The following PRPH2 variants were observed in gnomAD, a reference collection of about 807,000 sequenced individuals.
PRPH2 encodes the protein peripherin-2.
In PRPH2, 17 loss-of-function variants were observed where a neutral mutation model predicts 31.3. The observed-to-expected ratio is 0.54, with a 90% CI of 0.37 to 0.81. The LOEUF is 0.81. Among genes scored for constraint, PRPH2 ranks in the 40% least tolerant of loss-of-function variants. PRPH2 has a pLI of 0.00. For synonymous variants in PRPH2, 165 were observed against 184.4 expected (o/e 0.89, Z 0.85); for missense variants, 430 against 439.7 (o/e 0.98, Z 0.20).
At position 42,698,322 on chromosome 6, in the gene PRPH2, G is replaced by T. The variant is rs202109541; in HGVS notation, c.1014C>A (p.Asp338Glu). The T allele has an allele frequency of 1.9e-5, 30 of 1,613,332 alleles. No homozygotes were observed. The highest frequency in any genetic ancestry group is 2.5e-5 in the Non-Finnish European group (30 of 1,179,484). Reference protein sequence around the residue: ...KGNQVEAEGADAGQAPEAG With the variant: ...KGNQVEAEGAEAGQAPEAG Reference sequence around the variant, plus strand: ...AGCCAGCCTCTGGGGCCTGGCCTGCGTCTGCGCCCTCGGCTTCCACCTGGT... The same window carrying T: ...AGCCAGCCTCTGGGGCCTGGCCTGCTTCTGCGCCCTCGGCTTCCACCTGGT... The change falls in exon 3 of 3, where the codon GAC becomes GAA. Residue 338 changes from aspartate to glutamate, a missense_variant. Coordinates refer to ENST00000230381, the MANE Select transcript of PRPH2 (RefSeq NM_000322.5).
At position 42,704,315 on chromosome 6, in the gene PRPH2, G is replaced by A. The variant is rs779803376; in HGVS notation, c.828+50C>T. On this transcript the variant is annotated intron_variant, in intron 2 of 2. Coordinates refer to ENST00000230381, the MANE Select transcript of PRPH2 (RefSeq NM_000322.5). ...GGCTCCGCCCCCATTAGACCCAAAT[G>A]GGACCGGAGGCTCTCCTTACCCTCT... is the stretch of plus-strand genomic sequence containing the variant. 5.0e-6 allele frequency: 8 copies of A among 1,584,164 alleles called. No homozygotes were observed. In the Admixed American group the frequency reaches 5.4e-5, roughly 11 times the overall value.
chr6:42,706,604 A>G (rs1800169378), intron 1 of PRPH2, among the ~76,000 whole-genome samples: 1 of 104,592 alleles, frequency 9.6e-6, no homozygotes, highest in African/African-American at 4.1e-5. Flanking sequence ...AAAAGAAAGA[A>G]AGGAAAAAGA....
chr6:42,703,520 C>G (rs1044320477), intron 2 of PRPH2, among the ~76,000 whole-genome samples: 1 of 152,146 alleles, frequency 6.6e-6, no homozygotes, highest in Non-Finnish European at 1.5e-5. Context: ...TGACTAAGAC[C>G]TCGGTACCAA....
At position 42,698,423 on chromosome 6, in the gene PRPH2, CCTGGCT is replaced by C. The variant is rs201620487; in HGVS notation, c.907_912del (p.Ser303_Gln304del). On this transcript the variant is annotated inframe_deletion, in exon 3 of 3. Coordinates refer to ENST00000230381, the MANE Select transcript of PRPH2 (RefSeq NM_000322.5). The stretch of plus-strand genomic sequence containing the variant: ...GGCACGCTCCTCTCCAGCAGCCAGC[CCTGGCT>C]CTCGCTCTCAGATTCCTCGGGGTTG... 6.2e-7 allele frequency: 1 copy of C among 1,613,872 alleles called. No individual in the cohort carries two copies. The highest frequency in any genetic ancestry group is 8.5e-7 in the Non-Finnish European group (1 of 1,179,766).
intron 1 of PRPH2, 22 bp downstream of exon 1, chr6:42,721,732 C>T: frequency 1.2e-6 from 2 of 1,613,584 alleles, no homozygotes; most frequent in Non-Finnish European, 1.7e-6. Flanking sequence ...TAGCTCTGAC[C>T]CCAGGACTGG....
chr6:42,715,869 G>C (rs1463327354), intron 1 of PRPH2, among the ~76,000 whole-genome samples: 2 of 152,096 alleles, frequency 1.3e-5, no homozygotes, highest in Non-Finnish European at 2.9e-5. Context: ...CAGGTTTCTG[G>C]GGGGCCCCAA....
intron 1 of PRPH2, among the ~76,000 whole-genome samples, chr6:42,710,761 T>C (rs1337376476): frequency 6.6e-6 from 1 of 152,180 alleles, no homozygotes; most frequent in East Asian, 1.9e-4. Context: ...GTCTGAGTTT[T>C]TCCAGAAAAA....
At chr6:42,703,591 T>G (rs1031049959) in intron 2 of PRPH2, among the ~76,000 whole-genome samples, 2 of 152,184 alleles carry the variant, frequency 1.3e-5, no homozygotes, top group Non-Finnish European at 1.5e-5. Flanking sequence ...AAACGTAATA[T>G]GGGTCCATTT....
intron 1 of PRPH2, among the ~76,000 whole-genome samples, chr6:42,707,701 A>G (rs1800193338): frequency 6.6e-6 from 1 of 152,172 alleles, no homozygotes; most frequent in Non-Finnish European, 1.5e-5. Flanking sequence ...TCCATGAACC[A>G]TGTTGACTTC....
In PRPH2 at chr6:42,721,951, G is replaced by A. The variant is rs1263084314; in HGVS notation, c.384C>T (p.Asn128=). 1 of 1,614,170 alleles carries A rather than the reference G, an allele frequency of 6.2e-7. No homozygotes were observed. Among genetic ancestry groups the A allele is most frequent in the South Asian group, 1.1e-5 (1 of 91,070 alleles). Residue 128 remains asparagine, a synonymous_variant, in exon 1 of 3, where the codon AAC becomes AAT. Transcript: ENST00000230381. The part of the protein sequence containing the change: ...CCFLLRGSLE[N]TLGQGLKNGM... The stretch of plus-strand genomic sequence containing the variant: ...CGTTCTTGAGCCCTTGGCCCAGGGT[G>A]TTCTCCAGCGAGCCCCGAAGCAGAA...
chr6:42,706,233 G>A (rs148280115), intron 1 of PRPH2, among the ~76,000 whole-genome samples: 24 of 151,848 alleles, frequency 1.6e-4, no homozygotes, highest in African/African-American at 3.1e-4. Context: ...GTGAAACCCC[G>A]TCTCTACTAA....
intron 1 of PRPH2, among the ~76,000 whole-genome samples, chr6:42,710,048 C>A (rs988278444): frequency 1.3e-5 from 2 of 152,194 alleles, no homozygotes; most frequent in Admixed American, 1.3e-4. Flanking sequence ...TGCGGACATT[C>A]CCCGTCTCCC....
chr6:42,698,757 G>A (rs1389253654), intron 2 of PRPH2, among the ~76,000 whole-genome samples: 2 of 151,938 alleles, frequency 1.3e-5, no homozygotes, highest in African/African-American at 2.4e-5. Flanking sequence ...CTTCGGATTC[G>A]CCCATGCCCC....
chr6:42,698,881 C>T (rs565030197), intron 2 of PRPH2, among the ~76,000 whole-genome samples: 23 of 152,222 alleles, frequency 1.5e-4, no homozygotes, highest in African/African-American at 5.3e-4. Context: ...TCCCCGGCAG[C>T]TCATCCTCCC....
chr6:42,722,096 T>C lies in PRPH2; in HGVS notation c.239A>G (p.Lys80Arg). ...LSCVFNSLAG[K>R]ICYDALDPAK... ...TGGGTCCAGGGCGTCGTAGCAGATCTTCCCAGCCAGCGAGTTGAAGACACA... is the reference window on the plus strand; with the variant it reads ...TGGGTCCAGGGCGTCGTAGCAGATCCTCCCAGCCAGCGAGTTGAAGACACA... The change falls in exon 1 of 3, where the codon AAG becomes AGG. Residue 80 changes from lysine (K) to arginine (R), a missense_variant. Physicochemically the swap from Lys to Arg is conservative, Grantham distance 26. Coordinates refer to ENST00000230381, the MANE Select transcript of PRPH2 (RefSeq NM_000322.5). The surrounding 1 kb of genome is among the most constrained non-coding windows in gnomAD (Gnocchi z 4.4). The C allele has an allele frequency of 6.2e-7, 1 of 1,614,184 alleles. No individual in the cohort carries two copies.
In PRPH2 at chr6:42,722,570, C is replaced by A. The variant is rs559487561; in HGVS notation, c.-236G>T. 7.1e-7 allele frequency: 1 copy of A among 1,405,632 alleles called. No individual in the cohort carries two copies. The highest frequency in any genetic ancestry group is 1.4e-5 in the African/African-American group (1 of 69,280). 87.1% of individuals were successfully genotyped at this position (1,405,632 alleles called of 1,614,324 possible). ...AGCAGGGGATAGTCCTGGTCCTGGG[C>A]GTTGTTTCTTCAGCGCCCTTCCCAG... On this transcript the variant is annotated 5_prime_UTR_variant, in exon 1 of 3. Transcript: ENST00000230381. This position sits in a 1 kb window ranked among gnomAD's most constrained non-coding sequence, Gnocchi z 4.4.
intron 1 of PRPH2, chr6:42,712,013 C>T (rs374009638): frequency 1.4e-4 from 131 of 968,908 alleles, no homozygotes; most frequent in South Asian, 5.3e-4. Flanking sequence ...ATACACAGAG[C>T]GGCACTGTAG....
intron 1 of PRPH2, among the ~76,000 whole-genome samples, chr6:42,712,427 A>G (rs1005108142): frequency 6.6e-6 from 1 of 152,238 alleles, no homozygotes; most frequent in Non-Finnish European, 1.5e-5. Flanking sequence ...GCAAAAAACA[A>G]CTAAAGCCTC....
chr6:42,706,380 G>A (rs1223663765), intron 1 of PRPH2, among the ~76,000 whole-genome samples: 1 of 151,042 alleles, frequency 6.6e-6, no homozygotes, highest in African/African-American at 2.4e-5. Flanking sequence ...ACTCCAGCCT[G>A]GGCGACACAG....
Sources: gnomAD v4.1 joint callset for allele counts (sites outside exome capture counted in the v4.1 genomes callset) on GRCh38, gnomAD v4.1.1 for gene constraint, Gnocchi (gnomAD v3.1) non-coding constraint, MANE v1.5 for transcripts, NCBI Gene and HGNC (gene_info 2026-07-23, HGNC 2026-07-21) for gene names.